Variants in KRTAP2-2 observed in about 807,000 individuals in gnomAD.
KRTAP2-2 encodes the protein putative keratin-associated protein ENSP00000381495.
KRTAP2-2 carries 3 observed loss-of-function variants against 10.2 expected under a neutral mutation model. The ratio of observed to expected loss-of-function variants is 0.29; its 90% CI spans 0.13 to 0.76. The LOEUF (loss-of-function observed/expected upper bound fraction) is 0.76. Among genes scored for constraint, KRTAP2-2 ranks in the 30% least tolerant of loss-of-function variants. The pLI, the probability that KRTAP2-2 is intolerant of heterozygous loss-of-function variation, is 0.67. For synonymous variants in KRTAP2-2, 20 were observed against 70.8 expected (o/e 0.28, Z 3.60); for missense variants, 54 against 163.6 (o/e 0.33, Z 3.65).
rs1381609292 is a variant in KRTAP2-2 at position 41,054,627 on chromosome 17, C to T, written c.*213G>A. 3.6e-6 allele frequency: 5 copies of T among 1,375,572 alleles called. No individual in the cohort carries two copies. The African/African-American group carries it at 5.9e-5, about 16-fold the overall frequency. 85.2% of individuals were successfully genotyped at this position (1,375,572 alleles called of 1,614,324 possible). On this transcript the variant is annotated 3_prime_UTR_variant, in exon 1 of 1. Transcript: ENST00000398477. ...AGGTGTCTTCAATGCATAGTGTGAGCTAGTATGAAGAGATGAGAAATGGGC... is the reference window on the plus strand; with the variant it reads ...AGGTGTCTTCAATGCATAGTGTGAGTTAGTATGAAGAGATGAGAAATGGGC...
At position 41,054,826 on chromosome 17, in the gene KRTAP2-2, C is replaced by A. The variant is rs1247470278; in HGVS notation, c.*14G>T. On this transcript the variant is annotated 3_prime_UTR_variant, in exon 1 of 1. Coordinates refer to ENST00000398477, the Ensembl canonical transcript of KRTAP2-2. The stretch of plus-strand genomic sequence containing the variant: ...GGGGGACTGCACAGACACAGGCTGG[C>A]AGCAGGTGGTGGCTCAGCAGGAGGA... The A allele has an allele frequency of 7.9e-6, 12 of 1,522,726 alleles. No homozygotes were observed. In the East Asian group the frequency reaches 3.0e-4, roughly 38 times the overall value. The allele number at this position is 1,522,726 out of a possible 1,614,324, so 94.3% of individuals were successfully genotyped here.
In KRTAP2-2 at chr17:41,054,792, C is replaced by T. The variant is rs760894542; in HGVS notation, c.*48G>A. 18 of 1,537,638 alleles carry T rather than the reference C, an allele frequency of 1.2e-5. No individual in the cohort carries two copies. In the Admixed American group the frequency reaches 2.2e-4, roughly 19 times the overall value. On this transcript the variant is annotated 3_prime_UTR_variant, in exon 1 of 1. Transcript: ENST00000398477. ...TGCAGGTGGTGCTGCAAGGGGTCGG[C>T]TGGCCGCAGGGGGACTGCACAGACA...
At chr17:41,054,580 C>G in exon 1 of KRTAP2-2, 1 of 957,092 alleles carries the variant, frequency 1.0e-6, no homozygotes, top group Non-Finnish European at 1.5e-6. Context: ...AAAAGTATTT[C>G]TCATCTGTGG....
At chr17:41,054,659 A>G in exon 1 of KRTAP2-2, 1 of 1,498,324 alleles carries the variant, frequency 6.7e-7, no homozygotes, top group South Asian at 1.3e-5. Flanking sequence ...GGGCTTCTCA[A>G]GGAAACGTGT....
exon 1 of KRTAP2-2, chr17:41,054,733 T>A: frequency 1.3e-6 from 2 of 1,539,832 alleles, no homozygotes; most frequent in Non-Finnish European, 1.7e-6. Flanking sequence ...GAGGGGCCCT[T>A]CGTGATAACG....
chr17:41,054,758 A>ATCC, exon 1 of KRTAP2-2: 1 of 1,521,558 alleles, frequency 6.6e-7, no homozygotes, highest in Non-Finnish European at 8.7e-7. Context: ...GCTCAGCAGG[A>ATCC]GGAGGTCCTG....
At chr17:41,054,589 G>T in exon 1 of KRTAP2-2, 1 of 1,009,194 alleles carries the variant, frequency 9.9e-7, no homozygotes, top group Non-Finnish European at 1.4e-6. Flanking sequence ...TCTCATCTGT[G>T]GTTGGTCTGA....
exon 1 of KRTAP2-2, chr17:41,054,576 A>T: frequency 3.2e-6 from 3 of 926,510 alleles, no homozygotes; most frequent in Admixed American, 5.6e-5. Context: ...TAGGAAAAGT[A>T]TTTCTCATCT....
At chr17:41,054,730 C>G (rs926953504) in exon 1 of KRTAP2-2, 2 of 1,537,844 alleles carry the variant, frequency 1.3e-6, no homozygotes, top group South Asian at 1.2e-5. Context: ...TCTGAGGGGC[C>G]CTTCGTGATA....
At chr17:41,054,519 G>A in exon 1 of KRTAP2-2, 3 of 623,844 alleles carry the variant, frequency 4.8e-6, no homozygotes, top group Non-Finnish European at 8.2e-6. Context: ...GGAGTATTGA[G>A]TTTATTAGAA....
At chr17:41,054,636 A>C in exon 1 of KRTAP2-2, 2 of 1,423,364 alleles carry the variant, frequency 1.4e-6, no homozygotes, top group Non-Finnish European at 1.9e-6. Flanking sequence ...GCTAGTATGA[A>C]GAGATGAGAA....
At chr17:41,054,658 A>G in exon 1 of KRTAP2-2, 1 of 1,496,834 alleles carries the variant, frequency 6.7e-7, no homozygotes, top group Non-Finnish European at 8.9e-7. Flanking sequence ...TGGGCTTCTC[A>G]AGGAAACGTG....
At chr17:41,054,996 G>C in exon 1 of KRTAP2-2, 1 of 1,121,576 alleles carries the variant, frequency 8.9e-7, no homozygotes. Context: ...GGCGGCAGCA[G>C]CCTTCCTGCA....
At chr17:41,054,709 C>G in exon 1 of KRTAP2-2, 2 of 1,536,534 alleles carry the variant, frequency 1.3e-6, no homozygotes, top group Non-Finnish European at 8.7e-7. Flanking sequence ...GCGGGATGGA[C>G]CTGGCCATCT....
exon 1 of KRTAP2-2, chr17:41,054,510 G>T: frequency 5.0e-6 from 3 of 599,904 alleles, no homozygotes; most frequent in South Asian, 2.4e-5. Flanking sequence ...TCTATGGTAG[G>T]AGTATTGAGT....
exon 1 of KRTAP2-2, chr17:41,054,513 T>A: frequency 8.5e-6 from 5 of 589,862 alleles, no homozygotes; most frequent in South Asian, 7.4e-5. Context: ...ATGGTAGGAG[T>A]ATTGAGTTTA....
chr17:41,054,741 A>T (rs745646819), exon 1 of KRTAP2-2: 6 of 1,521,928 alleles, frequency 3.9e-6, no homozygotes, highest in Non-Finnish European at 5.3e-6. Context: ...CTTCGTGATA[A>T]CGGGCTGCTC....
In KRTAP2-2 at chr17:41,054,639, G is replaced by T. The variant is rs754030234; in HGVS notation, c.*201C>A. The T allele has an allele frequency of 1.5e-4, 208 of 1,429,062 alleles. 1 individual carries two copies. The highest frequency in any genetic ancestry group is 1.9e-4 in the Non-Finnish European group (200 of 1,067,302). 88.5% of individuals were successfully genotyped at this position (1,429,062 alleles called of 1,614,324 possible). A position where few individuals can be genotyped will look rare whatever the true frequency, so the allele number is the denominator to read the frequency against. On this transcript the variant is annotated 3_prime_UTR_variant, in exon 1 of 1. Transcript: ENST00000398477. ...TGCATAGTGTGAGCTAGTATGAAGA[G>T]ATGAGAAATGGGCTTCTCAAGGAAA...
chr17:41,054,509 G>A lies in KRTAP2-2; in HGVS notation c.*331C>T, dbSNP rs1597959439. ...CACAAAGACCATGATTTCTATGGTA[G>A]GAGTATTGAGTTTATTAGAAAGCAG... On this transcript the variant is annotated 3_prime_UTR_variant, in exon 1 of 1. Coordinates refer to ENST00000398477, the Ensembl canonical transcript of KRTAP2-2. The A allele has an allele frequency of 4.9e-5, 29 of 597,388 alleles. No homozygotes were observed. The East Asian group carries it at 7.9e-4, about 16-fold the overall frequency. 37.0% of individuals were successfully genotyped at this position (597,388 alleles called of 1,614,324 possible).
Sources: gnomAD v4.1 joint callset for allele counts on GRCh38, gnomAD v4.1.1 for gene constraint, MANE v1.5 for transcripts, NCBI Gene and HGNC (gene_info 2026-07-23, HGNC 2026-07-21) for gene names.